ERBB4: variants seen among roughly 807,000 people sequenced by gnomAD.
The protein encoded by ERBB4 is erb-b2 receptor tyrosine kinase 4.
In ERBB4, 42 loss-of-function variants were observed where a neutral mutation model predicts 158.0. The observed-to-expected ratio is 0.27, with a 90% CI of 0.21 to 0.34. The LOEUF (loss-of-function observed/expected upper bound fraction) is 0.34, where lower values mean the gene tolerates loss of function less well. ERBB4 is among the 10% of genes least tolerant of loss of function. The probability of loss-of-function intolerance (pLI) is 1.00; values close to 1 mark genes in which losing one functional copy is unlikely to be tolerated. For missense variants in ERBB4, 1,333 were observed against 1,624.1 expected (o/e 0.82, Z 3.08); for synonymous variants, 583 against 558.7 (o/e 1.04, Z -0.61).
At chr2:212,436,569 T>C (rs1328168578) in intron 1 of ERBB4, among the ~76,000 whole-genome samples, 2 of 152,064 alleles carry the variant, frequency 1.3e-5, no homozygotes, top group African/African-American at 4.8e-5. Context: ...ATTTCTCCTT[T>C]CTAAGTCTCA....
rs2075962622 is a variant in ERBB4, at chr2:211,778,843, C to T, written c.556+9182G>A. On this transcript the variant is annotated intron_variant, in intron 4 of 27. Coordinates refer to ENST00000342788, the MANE Select transcript of ERBB4 (RefSeq NM_005235.3). ...TTGATCAGTCCTCATTACGGCAGTC[C>T]TTCTTACTCCTTTCCCTTCTAGTCC... The T allele has an allele frequency of 2.0e-5, 3 of 152,192 alleles. No individual in the cohort carries two copies. In the South Asian group the frequency reaches 6.2e-4, roughly 32 times the overall value. The allele number at this position is 152,192 out of a possible 1,614,324, so 9.4% of individuals were successfully genotyped here. A position where few individuals can be genotyped will look rare whatever the true frequency, so the allele number is the denominator to read the frequency against.
intron 1 of ERBB4, among the ~76,000 whole-genome samples, chr2:212,396,372 T>C (rs1458351358): frequency 6.6e-6 from 1 of 152,176 alleles, no homozygotes; most frequent in African/African-American, 2.4e-5. Flanking sequence ...GTGATTCTAA[T>C]GCTAGATTGT....
At position 211,636,098 on chromosome 2, in the gene ERBB4, TGC is replaced by T. The variant is rs1007851421; in HGVS notation, c.1947-5506_1947-5505del. On this transcript the variant is annotated intron_variant, in intron 16 of 27. Coordinates refer to ENST00000342788, the MANE Select transcript of ERBB4 (RefSeq NM_005235.3). ...TGGGCACTAAATGTTAAACTGAAAA[TGC>T]GTGTGTGTGTTTTTTTAAAAAAAAA... is the stretch of plus-strand genomic sequence containing the variant. Among the ~76,000 whole-genome samples, 18 of 52,536 alleles carry T rather than the reference TGC, an allele frequency of 3.4e-4. No individual in the cohort carries two copies. The East Asian group carries it at 0.13, about 386-fold the overall frequency. 34.5% of individuals were successfully genotyped at this position (52,536 alleles called of 152,430 possible).
chr2:212,145,646 A>C, intron 1 of ERBB4, among the ~76,000 whole-genome samples: 1 of 149,086 alleles, frequency 6.7e-6, no homozygotes, highest in Non-Finnish European at 1.5e-5. Context: ...TAAGCAATGC[A>C]GGTCACACCT....
At chr2:211,688,515 G>A (rs1420464079) in intron 12 of ERBB4, among the ~76,000 whole-genome samples, 1 of 152,132 alleles carries the variant, frequency 6.6e-6, no homozygotes, top group Non-Finnish European at 1.5e-5. Context: ...CTGCTCTCCA[G>A]TCTATTGCAA....
intron 1 of ERBB4, among the ~76,000 whole-genome samples, chr2:212,166,230 T>G (rs927166569): frequency 6.6e-6 from 1 of 152,034 alleles, no homozygotes; most frequent in African/African-American, 2.4e-5. Context: ...GATATTACAC[T>G]CAGCTTTATT....
At chr2:212,229,418 A>G (rs2083589747) in intron 1 of ERBB4, among the ~76,000 whole-genome samples, 1 of 152,222 alleles carries the variant, frequency 6.6e-6, no homozygotes, top group Admixed American at 6.5e-5. Context: ...ACATATATGC[A>G]AAAGTGCATA....
chr2:212,062,124 A>T (rs189586382), intron 2 of ERBB4, among the ~76,000 whole-genome samples: 1 of 152,330 alleles, frequency 6.6e-6, no homozygotes. Context: ...CATTGTGAGT[A>T]GCCATCAGAA....
At chr2:211,885,615 C>A (rs2078779108) in intron 3 of ERBB4, among the ~76,000 whole-genome samples, 1 of 152,106 alleles carries the variant, frequency 6.6e-6, no homozygotes, top group African/African-American at 2.4e-5. Context: ...ACTACCACCA[C>A]AACCAGCTAA....
intron 3 of ERBB4, among the ~76,000 whole-genome samples, chr2:211,895,476 C>G (rs2079074182): frequency 6.6e-6 from 1 of 152,014 alleles, no homozygotes; most frequent in African/African-American, 2.4e-5. Flanking sequence ...TTCAGCTGGT[C>G]TAGAATTCCT....
intron 2 of ERBB4, among the ~76,000 whole-genome samples, chr2:212,096,567 T>C (rs2078939269): frequency 6.6e-6 from 1 of 152,196 alleles, no homozygotes; most frequent in African/African-American, 2.4e-5. Context: ...CTCAAGTTTA[T>C]TTAGATGAGT....
intron 20 of ERBB4, among the ~76,000 whole-genome samples, chr2:211,527,722 G>A (rs1171621967): frequency 1.3e-5 from 2 of 152,058 alleles, no homozygotes; most frequent in Non-Finnish European, 2.9e-5. Flanking sequence ...GGAAGTTAAA[G>A]TGTAGAGTTT....
In ERBB4 at chr2:212,509,985, A is replaced by G. The variant is rs891190584; in HGVS notation, c.82+28464T>C. 6.6e-5 allele frequency among the ~76,000 whole-genome samples: 10 copies of G among 151,876 alleles called. No homozygotes were observed. The East Asian group carries it at 1.9e-3, about 29-fold the overall frequency. On this transcript the variant is annotated intron_variant, in intron 1 of 27. Transcript: ENST00000342788. ...ATTTTGTTGTAAAATGTCAGCACGT[A>G]GCATGTATTTATCAATTAGAAACAT...
intron 20 of ERBB4, among the ~76,000 whole-genome samples, chr2:211,441,962 C>G (rs887509602): frequency 6.6e-6 from 1 of 152,110 alleles, no homozygotes; most frequent in East Asian, 1.9e-4. Context: ...TAAGTCTTCT[C>G]TTTTTAACCA....
chr2:211,457,784 A>G (rs1227577900), intron 20 of ERBB4, among the ~76,000 whole-genome samples: 1 of 152,208 alleles, frequency 6.6e-6, no homozygotes, highest in Non-Finnish European at 1.5e-5. Context: ...TGGGATTGTT[A>G]TGATTTGGAT....
At chr2:211,436,535 A>C (rs183073636) in intron 20 of ERBB4, among the ~76,000 whole-genome samples, 39 of 152,330 alleles carry the variant, frequency 2.6e-4, no homozygotes, top group African/African-American at 8.7e-4. Flanking sequence ...CAAAGCACTT[A>C]AATAGCAATT....
intron 2 of ERBB4, among the ~76,000 whole-genome samples, chr2:212,101,181 T>C (rs1046882579): frequency 6.6e-6 from 1 of 151,920 alleles, no homozygotes; most frequent in Non-Finnish European, 1.5e-5. Flanking sequence ...GCAGAAATGA[T>C]ATGTATATAA....
chr2:211,510,081 G>T, intron 20 of ERBB4, among the ~76,000 whole-genome samples: 1 of 152,122 alleles, frequency 6.6e-6, no homozygotes, highest in African/African-American at 2.4e-5. Context: ...ATCTACTACT[G>T]GGTATCTACC....
intron 20 of ERBB4, among the ~76,000 whole-genome samples, chr2:211,471,668 G>A (rs2064830670): frequency 6.6e-6 from 1 of 152,128 alleles, no homozygotes; most frequent in South Asian, 2.1e-4. Flanking sequence ...ACCCAGCTGA[G>A]AATGTTTTAC....
Sources: gnomAD v4.1 joint callset for allele counts (sites outside exome capture counted in the v4.1 genomes callset) on GRCh38, gnomAD v4.1.1 for gene constraint, MANE v1.5 for transcripts, NCBI Gene and HGNC (gene_info 2026-07-23, HGNC 2026-07-21) for gene names.